Variants in ABI1 observed in about 807,000 individuals in gnomAD.
The protein encoded by ABI1 is Abelson interactor 1.
In ABI1, 14 loss-of-function variants were observed where a neutral mutation model predicts 54.6. The ratio of observed to expected loss-of-function variants is 0.26; its 90% CI spans 0.17 to 0.40. The LOEUF (loss-of-function observed/expected upper bound fraction) is 0.40. ABI1 is among the 10% of genes least tolerant of loss of function. The pLI is 1.00. For missense variants in ABI1, 443 were observed against 598.3 expected, an observed-to-expected ratio of 0.74 and a Z score of 2.71; for synonymous variants, 194 against 209.3, an observed-to-expected ratio of 0.93 and a Z score of 0.63.
chr10:26,819,216 C>G (rs770259864), intron 2 of ABI1, among the ~76,000 whole-genome samples: 1 of 151,896 alleles, frequency 6.6e-6, no homozygotes, highest in African/African-American at 2.4e-5. Flanking sequence ...CAGCACCCCC[C>G]CCAAAAAAAA....
At chr10:26,825,937 C>A (rs528957753) in intron 1 of ABI1, among the ~76,000 whole-genome samples, 4 of 152,290 alleles carry the variant, frequency 2.6e-5, no homozygotes, top group African/African-American at 9.6e-5. Flanking sequence ...CCCACCATAT[C>A]TGCAGTTACT....
chr10:26,829,072 A>G (rs932340274), intron 1 of ABI1, among the ~76,000 whole-genome samples: 2 of 151,570 alleles, frequency 1.3e-5, no homozygotes, highest in South Asian at 4.2e-4. Flanking sequence ...TAAAAATACA[A>G]AAAATTAGCC....
At chr10:26,761,661 T>TATATATATATATATACAC (rs1375832167) in intron 7 of ABI1, among the ~76,000 whole-genome samples, 9 of 78,924 alleles carry the variant, frequency 1.1e-4, no homozygotes, top group East Asian at 4.6e-4. Context: ...TATATATATA[T>TATATATATATATATACAC]ACACACACAC....
chr10:26,771,894 T>C (rs1840740743), intron 3 of ABI1, among the ~76,000 whole-genome samples: 1 of 152,156 alleles, frequency 6.6e-6, no homozygotes, highest in South Asian at 2.1e-4. Context: ...TGAAACAATG[T>C]GTAGTCCTAA....
At chr10:26,787,840 T>C (rs976419344) in intron 2 of ABI1, among the ~76,000 whole-genome samples, 2 of 150,160 alleles carry the variant, frequency 1.3e-5, no homozygotes, top group African/African-American at 2.5e-5. Flanking sequence ...GAGTACCCTA[T>C]AGCAATCCTT....
At chr10:26,853,020 T>C (rs1432872863) in intron 1 of ABI1, among the ~76,000 whole-genome samples, 1 of 152,186 alleles carries the variant, frequency 6.6e-6, no homozygotes, top group Non-Finnish European at 1.5e-5. Context: ...AGAAAATTAG[T>C]AGATCCAAAG....
rs1564473208 is a variant in ABI1 at position 26,768,955 on chromosome 10, G to A, written c.616C>T (p.Pro206Ser). Residue 206 changes from proline (P) to serine (S), a missense_variant, in exon 6 of 11, where the codon CCC becomes TCC. This residue lies in a region of ABI1 where 394 missense variants were observed against 484.8 expected (regional missense o/e 0.81). Transcript: ENST00000376140. ...TPYKTLEPVK[P>S]PTVPNDYMTS... Reference sequence around the variant, plus strand: ...ATATAGTCATTAGGAACTGTTGGGGGTTTAACAGGTTCCAGGGTTTTATAA... The same window carrying A: ...ATATAGTCATTAGGAACTGTTGGGGATTTAACAGGTTCCAGGGTTTTATAA... 4 of 1,612,730 alleles carry A rather than the reference G, an allele frequency of 2.5e-6. No homozygotes were observed. The highest frequency in any genetic ancestry group is 3.4e-6 in the Non-Finnish European group (4 of 1,179,080).
At chr10:26,832,688 T>C (rs1252433315) in intron 1 of ABI1, among the ~76,000 whole-genome samples, 1 of 152,232 alleles carries the variant, frequency 6.6e-6, no homozygotes, top group Non-Finnish European at 1.5e-5. Context: ...AATAATTTTA[T>C]ACACTATGAA....
intron 1 of ABI1, among the ~76,000 whole-genome samples, chr10:26,846,631 C>G (rs911576083): frequency 1.3e-5 from 2 of 152,180 alleles, no homozygotes; most frequent in African/African-American, 2.4e-5. Context: ...GCAGGAGCCA[C>G]TGCGCCCAGC....
rs1366690316 is a variant in ABI1 at position 26,782,701 on chromosome 10, G to A, written c.286-5460C>T. Among the ~76,000 whole-genome samples, 11 of 144,530 alleles carry A rather than the reference G, an allele frequency of 7.6e-5. No individual in the cohort carries two copies. In the Middle Eastern group the frequency reaches 9.8e-3, roughly 129 times the overall value. 94.8% of individuals were successfully genotyped at this position (144,530 alleles called of 152,430 possible). ...TTATGCCACTGCACTCCAGCCTGGC[G>A]ACAGAGTGAGACTCTGTCTCAAAAA... is the stretch of plus-strand genomic sequence containing the variant. On this transcript the variant is annotated intron_variant, in intron 2 of 10. Coordinates refer to ENST00000376140, the MANE Select transcript of ABI1 (RefSeq NM_001012750.3).
intron 2 of ABI1, among the ~76,000 whole-genome samples, chr10:26,814,028 G>A (rs3916988): frequency 0.57 from 87,266 of 151,918 alleles, 27,252 homozygotes; most frequent in African/African-American, 0.83. Context: ...CTAGGTACCC[G>A]CCCTACCTCC....
chr10:26,746,623 G>T lies in ABI1; in HGVS notation c.*1947C>A, dbSNP rs1836944184. The stretch of plus-strand genomic sequence containing the variant: ...GATGGGCAATTTATTTTTTTTTATT[G>T]CAAAAGTTTTTTCAGAAAACTTTTT... On this transcript the variant is annotated 3_prime_UTR_variant, in exon 11 of 11. Transcript: ENST00000376140. The T allele has an allele frequency of 6.1e-6, 5 of 822,548 alleles. No homozygotes were observed. The South Asian group carries it at 6.4e-5, about 11-fold the overall frequency. 51.0% of individuals were successfully genotyped at this position (822,548 alleles called of 1,614,324 possible).
At chr10:26,808,652 G>A (rs560621479) in intron 2 of ABI1, among the ~76,000 whole-genome samples, 3 of 152,130 alleles carry the variant, frequency 2.0e-5, no homozygotes, top group African/African-American at 7.2e-5. Context: ...GAACGCAGGA[G>A]GCAGAGGTTG....
rs117109870 is a variant in ABI1 at position 26,839,561 on chromosome 10, C to G, written c.118-16256G>C. Among the ~76,000 whole-genome samples the G allele has an allele frequency of 2.0e-5, 3 of 151,814 alleles. No homozygotes were observed. In the East Asian group the frequency reaches 5.8e-4, roughly 29 times the overall value. The stretch of plus-strand genomic sequence containing the variant: ...AAATTACTTAAGCAGTATAATGCAT[C>G]TTTTAACAAACTACTAGGTAGGGTG... On this transcript the variant is annotated intron_variant, in intron 1 of 10. Coordinates refer to ENST00000376140, the MANE Select transcript of ABI1 (RefSeq NM_001012750.3).
chr10:26,756,640 C>T (rs946244117), intron 8 of ABI1, among the ~76,000 whole-genome samples: 1 of 152,104 alleles, frequency 6.6e-6, no homozygotes, highest in East Asian at 1.9e-4. Context: ...ATAACATACA[C>T]TAGAAGTAAA....
intron 1 of ABI1, among the ~76,000 whole-genome samples, chr10:26,845,749 T>C (rs2049925466): frequency 6.6e-6 from 1 of 152,208 alleles, no homozygotes; most frequent in South Asian, 2.1e-4. Context: ...AATCTTTCTC[T>C]ATTTCAGTTC....
Position 26,746,899 on chromosome 10 carries a change from T to C in ABI1, c.*1671A>G, listed in dbSNP as rs1023879035. ...TTTTAACAGTATCCAAAATTTCATA[T>C]AGGAGAATGGTTTATTATAAAAGAC... On this transcript the variant is annotated 3_prime_UTR_variant, in exon 11 of 11. Transcript: ENST00000376140. 4 of 294,890 alleles carry C rather than the reference T, an allele frequency of 1.4e-5. No individual in the cohort carries two copies. Among genetic ancestry groups the C allele is most frequent in the African/African-American group, 8.7e-5 (4 of 46,076 alleles). 18.3% of individuals were successfully genotyped at this position (294,890 alleles called of 1,614,324 possible).
In ABI1 at chr10:26,813,225, G is replaced by A. The variant is rs373291501; in HGVS notation, c.285+9913C>T. 8.6e-5 allele frequency among the ~76,000 whole-genome samples: 13 copies of A among 151,648 alleles called. No individual in the cohort carries two copies. In the East Asian group the frequency reaches 2.1e-3, roughly 25 times the overall value. On this transcript the variant is annotated intron_variant, in intron 2 of 10. Transcript: ENST00000376140. ...GATCACGACACTGCACTCCAGCCTG[G>A]GCCACAGAGCAAGATTCCATCCCCC...
intron 7 of ABI1, chr10:26,763,838 T>G: frequency 6.5e-7 from 1 of 1,539,292 alleles, no homozygotes; most frequent in Non-Finnish European, 9.0e-7. Context: ...TTATGAATTA[T>G]GTAAAGTGAG....
Sources: gnomAD v4.1 joint callset for allele counts (sites outside exome capture counted in the v4.1 genomes callset) on GRCh38, gnomAD v4.1.1 for gene constraint, gnomAD v4.1.1 regional missense constraint, MANE v1.5 for transcripts, NCBI Gene and HGNC (gene_info 2026-07-23, HGNC 2026-07-21) for gene names.